The following MECOM variants were observed in gnomAD, a reference collection of about 807,000 sequenced individuals.
MECOM encodes MDS1 and EVI1 complex locus.
MECOM carries 13 observed loss-of-function variants against 116.3 expected under a neutral mutation model. The ratio of observed to expected loss-of-function variants is 0.11; its 90% CI spans 0.07 to 0.18. The LOEUF (loss-of-function observed/expected upper bound fraction) is 0.18. MECOM is among the 10% of genes least tolerant of loss of function. MECOM has a pLI of 1.00. For missense variants in MECOM, 1,299 were observed against 1,509.0 expected, an observed-to-expected ratio of 0.86 and a Z score of 2.31; for synonymous variants, 528 against 535.2, an observed-to-expected ratio of 0.99 and a Z score of 0.19.
intron 5 of MECOM, among the ~76,000 whole-genome samples, chr3:169,125,143 GT>G (rs1157793051): frequency 6.6e-6 from 1 of 152,090 alleles, no homozygotes; most frequent in African/African-American, 2.4e-5. Flanking sequence ...TGATACCTCT[GT>G]GAACAAAAGG....
At chr3:169,633,029 A>G (rs1290679811) in intron 1 of MECOM, among the ~76,000 whole-genome samples, 1 of 152,210 alleles carries the variant, frequency 6.6e-6, no homozygotes, top group Non-Finnish European at 1.5e-5. Context: ...GTAACTTCCT[A>G]ATCAATCTTT....
intron 1 of MECOM, chr3:169,483,558 A>G (rs1243907998): frequency 1.4e-6 from 1 of 709,340 alleles, no homozygotes; most frequent in African/African-American, 1.9e-5. Flanking sequence ...CCCTTTGACT[A>G]TGATTTCCAA....
Position 169,084,051 on chromosome 3 carries a change from A to C in MECOM, c.*858T>G, listed in dbSNP as rs1203492314. On this transcript the variant is annotated 3_prime_UTR_variant, in exon 17 of 17. Coordinates refer to ENST00000651503, the MANE Select transcript of MECOM (RefSeq NM_004991.4). ...CGGAAAGGGGTGTGCCTCAGACGTC[A>C]TAAAGTAGTGGCTGACTGGAACAGT... 2 of 231,292 alleles carry C rather than the reference A, an allele frequency of 8.6e-6. No homozygotes were observed. Among genetic ancestry groups the C allele is most frequent in the African/African-American group, 4.4e-5 (2 of 45,266 alleles). The allele number at this position is 231,292 out of a possible 1,614,324, so 14.3% of individuals were successfully genotyped here.
intron 1 of MECOM, among the ~76,000 whole-genome samples, chr3:169,554,805 C>A (rs1485551200): frequency 6.6e-6 from 1 of 152,162 alleles, no homozygotes; most frequent in African/African-American, 2.4e-5. Flanking sequence ...TGCAGTCCTC[C>A]CTGGACCAGG....
At chr3:169,278,064 C>T (rs1234884593) in intron 2 of MECOM, among the ~76,000 whole-genome samples, 1 of 152,214 alleles carries the variant, frequency 6.6e-6, no homozygotes, top group East Asian at 1.9e-4. Context: ...ACAAAGTGAA[C>T]TCTCCAGAAA....
At chr3:169,148,599 A>G (rs1355741920) in intron 2 of MECOM, among the ~76,000 whole-genome samples, 1 of 152,178 alleles carries the variant, frequency 6.6e-6, no homozygotes, top group African/African-American at 2.4e-5. Flanking sequence ...AAGTTAAGCA[A>G]AGTAAGCGAG....
intron 1 of MECOM, among the ~76,000 whole-genome samples, chr3:169,407,074 C>G (rs1164552611): frequency 7.9e-5 from 12 of 151,978 alleles, no homozygotes; most frequent in Admixed American, 7.9e-4. Flanking sequence ...GTCTTGAACT[C>G]CTGACCTCAT....
intron 1 of MECOM, among the ~76,000 whole-genome samples, chr3:169,588,662 C>A (rs1039430882): frequency 2.0e-5 from 3 of 152,030 alleles, no homozygotes; most frequent in African/African-American, 4.8e-5. Flanking sequence ...TGTCTACGTT[C>A]ATCTATGCTT....
At position 169,111,984 on chromosome 3, in the gene MECOM, T is replaced by G. The variant is rs73167917; in HGVS notation, c.2577+803A>C. On this transcript the variant is annotated intron_variant, in intron 9 of 16. Transcript: ENST00000651503. ...AGTTTATTCTATTTTTAAGAATTTTTATTAAAATGTTGCTATCTATAAAGA... is the reference window on the plus strand; with the variant it reads ...AGTTTATTCTATTTTTAAGAATTTTGATTAAAATGTTGCTATCTATAAAGA... Among the ~76,000 whole-genome samples the G allele has an allele frequency of 5.6e-4, 86 of 152,236 alleles. 1 individual carries two copies. In the East Asian group the frequency reaches 0.015, roughly 26 times the overall value.
chr3:169,608,816 T>C (rs1768901179), intron 1 of MECOM, among the ~76,000 whole-genome samples: 1 of 152,216 alleles, frequency 6.6e-6, no homozygotes, highest in African/African-American at 2.4e-5. Context: ...CTGACTAAAA[T>C]TGTTTTTAGC....
intron 1 of MECOM, among the ~76,000 whole-genome samples, chr3:169,526,696 C>T (rs1391833520): frequency 1.3e-5 from 2 of 152,076 alleles, no homozygotes; most frequent in East Asian, 3.9e-4. Context: ...TGAGAAGCCA[C>T]AAATCAACTT....
At chr3:169,462,424 A>G (rs1747603859) in intron 1 of MECOM, among the ~76,000 whole-genome samples, 1 of 152,194 alleles carries the variant, frequency 6.6e-6, no homozygotes, top group African/African-American at 2.4e-5. Context: ...AGAAGACAAC[A>G]ATGTTCTAGA....
intron 2 of MECOM, among the ~76,000 whole-genome samples, chr3:169,240,507 AGGAT>A (rs1009012642): frequency 6.6e-6 from 1 of 152,252 alleles, no homozygotes; most frequent in Non-Finnish European, 1.5e-5. Flanking sequence ...TTGTCAATTA[AGGAT>A]GAAGAATGGC....
intron 1 of MECOM, among the ~76,000 whole-genome samples, chr3:169,410,984 C>G (rs778406748): frequency 6.6e-6 from 1 of 152,072 alleles, no homozygotes; most frequent in African/African-American, 2.4e-5. Flanking sequence ...GAATTGTAAG[C>G]ATAGCTCCTG....
At chr3:169,122,017 T>A (rs542717315) in intron 6 of MECOM, among the ~76,000 whole-genome samples, 1 of 152,334 alleles carries the variant, frequency 6.6e-6, no homozygotes, top group East Asian at 1.9e-4. Context: ...TGAATTACTT[T>A]TACCATAGTT....
Position 169,568,764 on chromosome 3 carries a change from A to G in MECOM, c.37+94572T>C, listed in dbSNP as rs1022545571. 7.2e-5 allele frequency among the ~76,000 whole-genome samples: 11 copies of G among 152,372 alleles called. No homozygotes were observed. The East Asian group carries it at 2.1e-3, about 29-fold the overall frequency. On this transcript the variant is annotated intron_variant, in intron 1 of 16. Transcript: ENST00000651503. ...TAAGCTTCATAAGCAAAGGAGAAAT[A>G]AAATCCTTTACAGACAAGCAAATGC...
intron 1 of MECOM, among the ~76,000 whole-genome samples, chr3:169,597,774 A>G (rs1010555071): frequency 1.3e-5 from 2 of 152,138 alleles, no homozygotes; most frequent in Non-Finnish European, 2.9e-5. Flanking sequence ...CTCATGAGGG[A>G]GTATCAACAC....
chr3:169,594,178 A>AAAAAAACCAAAAAACACCTT (rs1553894686), intron 1 of MECOM, among the ~76,000 whole-genome samples: 1 of 138,596 alleles, frequency 7.2e-6, no homozygotes, highest in Non-Finnish European at 1.6e-5. Flanking sequence ...AAAAAAAAAC[A>AAAAAAACCAAAAAACACCTT]CCTTTTCACC....
At chr3:169,476,474 G>A (rs774740683) in intron 1 of MECOM, among the ~76,000 whole-genome samples, 20 of 152,252 alleles carry the variant, frequency 1.3e-4, no homozygotes, top group South Asian at 2.1e-4. Context: ...CTGTCTGCCC[G>A]GTGCTTGACA....
Sources: allele counts gnomAD v4.1 joint callset (sites outside exome capture counted in the v4.1 genomes callset), GRCh38; gene constraint gnomAD v4.1.1; transcripts MANE v1.5; gene names NCBI Gene and HGNC (gene_info 2026-07-23, HGNC 2026-07-21).